The following ESRRA variants were observed in gnomAD, a reference collection of about 807,000 sequenced individuals.
ESRRA encodes the protein estrogen related receptor alpha, also known as steroid hormone receptor ERR1.
A neutral mutation model predicts 35.6 loss-of-function variants in ESRRA; 7 were observed. That is an observed-to-expected ratio of 0.20 (90% CI 0.11 to 0.37). ESRRA has a LOEUF of 0.37. Ranked by LOEUF, ESRRA falls within the 10% of genes least tolerant of loss-of-function variation. The pLI is 1.00. For missense variants in ESRRA, 378 were observed against 561.7 expected (o/e 0.67, Z 3.31); for synonymous variants, 223 against 246.9 (o/e 0.90, Z 0.91).
chr11:64,312,780 G>C (rs2035167573), intron 2 of ESRRA, among the ~76,000 whole-genome samples: 1 of 152,204 alleles, frequency 6.6e-6, no homozygotes, highest in Admixed American at 6.5e-5. Flanking sequence ...ATTATCACAG[G>C]GTGGCCAGGG....
Position 64,315,731 on chromosome 11 carries a change from A to G in ESRRA, c.1037A>G (p.Glu346Gly). The part of the protein sequence containing the change: ...NSDSVHIEDA[E>G]AVEQLREALH... The stretch of plus-strand genomic sequence containing the variant: ...GACTCTGTGCACATCGAAGATGCCG[A>G]GGCTGTGGAGCAGCTGCGAGAAGCT... The change falls in exon 7 of 7, where the codon GAG becomes GGG. Residue 346 changes from glutamate to glycine, a missense_variant. By Grantham distance (98) the Glu-to-Gly change is moderately conservative. Transcript: ENST00000000442. 6.2e-7 allele frequency: 1 copy of G among 1,613,938 alleles called. No homozygotes were observed. Among genetic ancestry groups the G allele is most frequent in the Non-Finnish European group, 8.5e-7 (1 of 1,179,816 alleles).
intron 1 of ESRRA, chr11:64,306,458 G>C (rs1156904576): frequency 6.6e-6 from 1 of 152,504 alleles, no homozygotes; most frequent in African/African-American, 2.4e-5. Context: ...GGTGTGAAAA[G>C]CTCTGGAGGT....
In ESRRA at chr11:64,312,928, G is replaced by A. The variant is rs187652666; in HGVS notation, c.326-1023G>A. On this transcript the variant is annotated intron_variant, in intron 2 of 6. Coordinates refer to ENST00000000442, the MANE Select transcript of ESRRA (RefSeq NM_004451.5). ...AGTAGAGGTCAAAAGGAGGCAAGAA[G>A]CAGGGGCGTAGGCCTAGGAGGACAT... Among the ~76,000 whole-genome samples the A allele has an allele frequency of 2.0e-5, 3 of 152,336 alleles. No individual in the cohort carries two copies. In the East Asian group the frequency reaches 5.8e-4, roughly 29 times the overall value.
chr11:64,314,127 G>C (rs2035192741), intron 3 of ESRRA, 60 bp downstream of exon 3: 1 of 1,551,844 alleles, frequency 6.4e-7, no homozygotes, highest in Non-Finnish European at 8.7e-7. Flanking sequence ...GGCCAGGTGG[G>C]GGTGAGGCCT....
Position 64,307,218 on chromosome 11 carries a change from C to T in ESRRA, c.39C>T (p.Ile13=). The change falls in exon 2 of 7, where the codon ATC becomes ATT. Residue 13 remains isoleucine, a synonymous_variant. Transcript: ENST00000000442. The part of the protein sequence containing the change: ...SQVVGIEPLY[I]KAEPASPDSP... Reference sequence around the variant, plus strand: ...TGGTGGGCATTGAGCCTCTCTACATCAAGGCAGAGCCGGCCAGCCCTGACA... The same window carrying T: ...TGGTGGGCATTGAGCCTCTCTACATTAAGGCAGAGCCGGCCAGCCCTGACA... 1 of 1,607,968 alleles carries T rather than the reference C, an allele frequency of 6.2e-7. No homozygotes were observed. Among genetic ancestry groups the T allele is most frequent in the Non-Finnish European group, 8.5e-7 (1 of 1,176,070 alleles).
chr11:64,307,513 C>T lies in ESRRA; in HGVS notation c.325+9C>T. 3 of 1,497,892 alleles carry T rather than the reference C, an allele frequency of 2.0e-6. No homozygotes were observed. Among genetic ancestry groups the T allele is most frequent in the Non-Finnish European group, 2.7e-6 (3 of 1,122,284 alleles). 92.8% of individuals were successfully genotyped at this position (1,497,892 alleles called of 1,614,324 possible). On this transcript the variant is annotated intron_variant, in intron 2 of 6. Transcript: ENST00000000442. Reference sequence around the variant, plus strand: ...CAAGAGGACCATCCAGGGTGAGCCCCCAGCCCACTCCCCTGTCCTTTGCCC... The same window carrying T: ...CAAGAGGACCATCCAGGGTGAGCCCTCAGCCCACTCCCCTGTCCTTTGCCC...
Position 64,314,224 on chromosome 11 carries a change from G to C in ESRRA, c.443-15G>C. The stretch of plus-strand genomic sequence containing the variant: ...CAGCACCACAGTCACAGTCCTATCT[G>C]TCCCACAATTCAAGGAGTGCGCCTG... On this transcript the variant is annotated splice_polypyrimidine_tract_variant and intron_variant, in intron 3 of 6. Transcript: ENST00000000442. 2 of 1,604,610 alleles carry C rather than the reference G, an allele frequency of 1.2e-6. No homozygotes were observed. The highest frequency in any genetic ancestry group is 1.7e-6 in the Non-Finnish European group (2 of 1,176,302).
rs750435403 is a variant in ESRRA, at chr11:64,314,337, C to T, written c.541C>T (p.Leu181=). Residue 181 remains leucine, a synonymous_variant, in exon 4 of 7, where the codon CTG becomes TTG. Coordinates refer to ENST00000000442, the MANE Select transcript of ESRRA (RefSeq NM_004451.5). The part of the protein sequence containing the change: ...PFPGPFPAGP[L]AVAGGPRKTA... ...CCCGGGCCCCTTCCCTGCTGGGCCC[C>T]TGGCAGTCGCTGGAGGCCCCCGGAA... 4 of 1,595,158 alleles carry T rather than the reference C, an allele frequency of 2.5e-6. No individual in the cohort carries two copies. Among genetic ancestry groups the T allele is most frequent in the East Asian group, 4.5e-5 (2 of 44,062 alleles).
Position 64,316,158 on chromosome 11 carries a change from G to C in ESRRA, c.*192G>C, listed in dbSNP as rs1354395447. ...CTAGGGGGTGTCAGAAGCTGGGAAC[G>C]TGTGTCCAGGCTCTGGGCACAGTGC... On this transcript the variant is annotated 3_prime_UTR_variant, in exon 7 of 7. Transcript: ENST00000000442. 34 of 638,958 alleles carry C rather than the reference G, an allele frequency of 5.3e-5. No individual in the cohort carries two copies. The Admixed American group carries it at 1.1e-3, about 20-fold the overall frequency. The allele number at this position is 638,958 out of a possible 1,614,324, so 39.6% of individuals were successfully genotyped here. A position where few individuals can be genotyped will look rare whatever the true frequency, so the allele number is the denominator to read the frequency against.
At position 64,314,403 on chromosome 11, in the gene ESRRA, G is replaced by A. The variant is rs181401227; in HGVS notation, c.571+36G>A. 33 of 1,510,902 alleles carry A rather than the reference G, an allele frequency of 2.2e-5. No homozygotes were observed. The East Asian group carries it at 2.2e-4, about 10-fold the overall frequency. 93.6% of individuals were successfully genotyped at this position (1,510,902 alleles called of 1,614,324 possible). A position where few individuals can be genotyped will look rare whatever the true frequency, so the allele number is the denominator to read the frequency against. On this transcript the variant is annotated intron_variant, in intron 4 of 6. Coordinates refer to ENST00000000442, the MANE Select transcript of ESRRA (RefSeq NM_004451.5). ...TGTGGGTACCTGGGGCTACGAAACC[G>A]GAGGCCTATGTGTGGCATCATAGTT...
chr11:64,306,785 A>G, intron 1 of ESRRA: 1 of 171,392 alleles, frequency 5.8e-6, no homozygotes, highest in East Asian at 1.6e-4. Context: ...GCAGGGTCTC[A>G]GAGGTCCCCC....
Position 64,307,523 on chromosome 11 carries a change from C to A in ESRRA, c.325+19C>A. 4 of 1,487,368 alleles carry A rather than the reference C, an allele frequency of 2.7e-6. No individual in the cohort carries two copies. Among genetic ancestry groups the A allele is most frequent in the South Asian group, 1.4e-5 (1 of 69,806 alleles). 92.1% of individuals were successfully genotyped at this position (1,487,368 alleles called of 1,614,324 possible). A position where few individuals can be genotyped will look rare whatever the true frequency, so the allele number is the denominator to read the frequency against. On this transcript the variant is annotated intron_variant, in intron 2 of 6. Coordinates refer to ENST00000000442, the MANE Select transcript of ESRRA (RefSeq NM_004451.5). ...ATCCAGGGTGAGCCCCCAGCCCACTCCCCTGTCCTTTGCCCTGCACCCTCT... is the reference window on the plus strand; with the variant it reads ...ATCCAGGGTGAGCCCCCAGCCCACTACCCTGTCCTTTGCCCTGCACCCTCT...
chr11:64,310,951 C>T (rs1452455158), intron 2 of ESRRA, among the ~76,000 whole-genome samples: 1 of 152,224 alleles, frequency 6.6e-6, no homozygotes, highest in African/African-American at 2.4e-5. Flanking sequence ...GCGGGTATCT[C>T]CTACCTACCC....
At chr11:64,310,229 T>C (rs576669232) in intron 2 of ESRRA, among the ~76,000 whole-genome samples, 14 of 150,514 alleles carry the variant, frequency 9.3e-5, no homozygotes, top group African/African-American at 2.7e-4. Flanking sequence ...ATTGTGACAT[T>C]CCAGCACGTT....
rs2035051071 is a variant in ESRRA, at chr11:64,307,184, C to A, written c.5C>A (p.Ser2Tyr). Residue 2 changes from serine to tyrosine, a missense_variant, in exon 2 of 7, where the codon TCC (serine) becomes TAC (tyrosine). By Grantham distance (144) the Ser-to-Tyr change is moderately radical (BLOSUM62 -2). Coordinates refer to ENST00000000442, the MANE Select transcript of ESRRA (RefSeq NM_004451.5). Reference protein sequence around the residue: MSSQVVGIEPLY... With the variant: MYSQVVGIEPLY... ...TCCGTGCAGGTGACCAGCGCCATGT[C>A]CAGCCAGGTGGTGGGCATTGAGCCT... 1 of 1,580,542 alleles carries A rather than the reference C, an allele frequency of 6.3e-7. No homozygotes were observed. Among genetic ancestry groups the A allele is most frequent in the Admixed American group, 1.7e-5 (1 of 57,842 alleles).
At chr11:64,314,691 A>T in intron 4 of ESRRA, 50 bp from the exon 5 acceptor site, 1 of 1,559,112 alleles carries the variant, frequency 6.4e-7, no homozygotes. Context: ...TTGACCCCTG[A>T]GGCCTGACAG....
chr11:64,314,169 A>G, intron 3 of ESRRA, 70 bp from the exon 4 acceptor site: 2 of 1,563,650 alleles, frequency 1.3e-6, no homozygotes, highest in Non-Finnish European at 1.7e-6. Context: ...CGGGGAGGAC[A>G]GCTCTGGAGA....
In ESRRA at chr11:64,316,048, T is replaced by C; in HGVS notation, c.*82T>C. ...CCCAAGGGCTGGGGCGGAGCTGGGG[T>C]CTGGGCAGTGCCACAGCCTGCTGGC... is the stretch of plus-strand genomic sequence containing the variant. On this transcript the variant is annotated 3_prime_UTR_variant, in exon 7 of 7. Transcript: ENST00000000442. The C allele has an allele frequency of 1.4e-6, 2 of 1,467,838 alleles. No individual in the cohort carries two copies. Among genetic ancestry groups the C allele is most frequent in the Non-Finnish European group, 9.2e-7 (1 of 1,092,274 alleles). The allele number at this position is 1,467,838 out of a possible 1,614,324, so 90.9% of individuals were successfully genotyped here.
intron 1 of ESRRA, chr11:64,306,614 G>C (rs1476885434): frequency 6.5e-6 from 1 of 152,772 alleles, no homozygotes; most frequent in African/African-American, 2.4e-5. Context: ...GTGAGCACGG[G>C]TTTGGGAAGG....
Sources: allele counts gnomAD v4.1 joint callset (sites outside exome capture counted in the v4.1 genomes callset), GRCh38; gene constraint gnomAD v4.1.1; transcripts MANE v1.5; gene names NCBI Gene and HGNC (gene_info 2026-07-23, HGNC 2026-07-21).